The following FNIP1 variants were observed in gnomAD, a reference collection of about 807,000 sequenced individuals.
FNIP1 encodes folliculin-interacting protein 1.
FNIP1 carries 40 observed loss-of-function variants against 124.5 expected under a neutral mutation model. The observed-to-expected ratio is 0.32, with a 90% CI of 0.25 to 0.42. The LOEUF (loss-of-function observed/expected upper bound fraction) is 0.42, where lower values mean the gene tolerates loss of function less well. Ranked by LOEUF, FNIP1 falls within the 10% of genes least tolerant of loss-of-function variation. FNIP1 has a pLI of 1.00. For missense variants in FNIP1, 1,176 were observed against 1,403.7 expected, an observed-to-expected ratio of 0.84 and a Z score of 2.59; for synonymous variants, 472 against 470.6, an observed-to-expected ratio of 1.00 and a Z score of -0.04.
At chr5:131,770,842 C>T (rs569914264) in intron 1 of FNIP1, among the ~76,000 whole-genome samples, 9 of 152,254 alleles carry the variant, frequency 5.9e-5, no homozygotes, top group African/African-American at 2.2e-4. Context: ...TGTATGTATA[C>T]CATCAGTGTA....
rs566547865 is a variant in FNIP1, at chr5:131,755,518, C to A, written c.93-10828G>T. On this transcript the variant is annotated intron_variant, in intron 1 of 17. Transcript: ENST00000510461. ...TCCAGACACAGGAGTTACTGACACA[C>A]AATTGGTAGTGAAATCTTCAGGCAG... Among the ~76,000 whole-genome samples the A allele has an allele frequency of 2.6e-5, 4 of 151,376 alleles. No individual in the cohort carries two copies. The East Asian group carries it at 7.7e-4, about 29-fold the overall frequency.
At chr5:131,735,485 G>GTA (rs1026288778) in intron 2 of FNIP1, among the ~76,000 whole-genome samples, 1 of 67,736 alleles carries the variant, frequency 1.5e-5, no homozygotes, top group African/African-American at 5.5e-5. Flanking sequence ...ACGTATATAT[G>GTA]TATATATACG....
chr5:131,748,323 A>G (rs1770752224), intron 1 of FNIP1, among the ~76,000 whole-genome samples: 1 of 152,182 alleles, frequency 6.6e-6, no homozygotes, highest in Non-Finnish European at 1.5e-5. Flanking sequence ...ATGCTCATGT[A>G]AACAAACCTA....
At chr5:131,750,594 G>A (rs1006129755) in intron 1 of FNIP1, among the ~76,000 whole-genome samples, 2 of 151,642 alleles carry the variant, frequency 1.3e-5, no homozygotes, top group African/African-American at 2.4e-5. Flanking sequence ...GGGTTGAGGG[G>A]AGGTATATTC....
chr5:131,745,692 C>T (rs1042069092), intron 1 of FNIP1, among the ~76,000 whole-genome samples: 12 of 151,894 alleles, frequency 7.9e-5, no homozygotes, highest in African/African-American at 2.7e-4. Context: ...AATTCCACTT[C>T]GGAAAAATTT....
Position 131,670,625 on chromosome 5 carries a change from C to T in FNIP1, c.2946G>A (p.Lys982=). The T allele has an allele frequency of 6.3e-7, 1 of 1,586,718 alleles. No individual in the cohort carries two copies. The change falls in exon 15 of 18, where the codon AAG becomes AAA. Residue 982 remains lysine (K), a synonymous_variant. Transcript: ENST00000510461. Reference sequence around the variant, plus strand: ...GCTGAACAGCACTCACTTCGATTAACTTTGACCTGGAAGAAAAATGCCCCC... The same window carrying T: ...GCTGAACAGCACTCACTTCGATTAATTTTGACCTGGAAGAAAAATGCCCCC... The part of the protein sequence containing the change: ...EEDEIPFPGS[K]LIEVSAVQPN...
chr5:131,767,752 T>C (rs1771488649), intron 1 of FNIP1, among the ~76,000 whole-genome samples: 2 of 152,216 alleles, frequency 1.3e-5, no homozygotes, highest in Admixed American at 1.3e-4. Context: ...ATTATAATTC[T>C]CTAATCTGAC....
At position 131,645,763 on chromosome 5, in the gene FNIP1, C is replaced by A. The variant is rs116357945; in HGVS notation, c.3423-1000G>T. Among the ~76,000 whole-genome samples the A allele has an allele frequency of 3.6e-3, 552 of 152,232 alleles. 3 individuals are homozygous for A. The highest frequency in any genetic ancestry group is 0.013 in the African/African-American group (520 of 41,528). The stretch of plus-strand genomic sequence containing the variant: ...ATAGTAGCAAAAAACTAAAAATAAT[C>A]TAAATTCCAACATATAAGGGAATGC... On this transcript the variant is annotated intron_variant, in intron 17 of 17. Transcript: ENST00000510461.
chr5:131,745,452 CG>C (rs1770645304), intron 1 of FNIP1, among the ~76,000 whole-genome samples: 1 of 151,898 alleles, frequency 6.6e-6, no homozygotes, highest in Admixed American at 6.6e-5. Context: ...CCTGGAAGGT[CG>C]GGGCTATAGC....
At chr5:131,667,577 G>T (rs74439051) in intron 15 of FNIP1, among the ~76,000 whole-genome samples, 1 of 24,528 alleles carries the variant, frequency 4.1e-5, no homozygotes, top group Non-Finnish European at 2.5e-4. Context: ...CTGTTTTTTT[G>T]TTTGTTTGTT....
At chr5:131,717,164 T>C (rs1482948197) in intron 5 of FNIP1, among the ~76,000 whole-genome samples, 1 of 134,116 alleles carries the variant, frequency 7.5e-6, no homozygotes, top group Non-Finnish European at 1.6e-5. Context: ...CAGGCCCCAG[T>C]GTGTGATGTC....
intron 1 of FNIP1, among the ~76,000 whole-genome samples, chr5:131,773,431 C>G (rs1394420321): frequency 6.6e-6 from 1 of 152,140 alleles, no homozygotes; most frequent in Non-Finnish European, 1.5e-5. Flanking sequence ...GTGTGCCTGT[C>G]AACTTGGATG....
chr5:131,715,411 G>A (rs2149539923), intron 6 of FNIP1, among the ~76,000 whole-genome samples: 1 of 152,188 alleles, frequency 6.6e-6, no homozygotes, highest in Admixed American at 6.5e-5. Context: ...GCTTGAACCC[G>A]GGAGGCAGAG....
At chr5:131,722,973 C>T (rs943090828) in intron 3 of FNIP1, among the ~76,000 whole-genome samples, 2 of 152,176 alleles carry the variant, frequency 1.3e-5, no homozygotes, top group South Asian at 4.1e-4. Flanking sequence ...TGTGAGCCAA[C>T]TCGCCCAGCC....
At chr5:131,732,415 C>A (rs1770126383) in intron 2 of FNIP1, among the ~76,000 whole-genome samples, 1 of 152,176 alleles carries the variant, frequency 6.6e-6, no homozygotes, top group South Asian at 2.1e-4. Flanking sequence ...ATGCCTATGT[C>A]CTGAATGGTA....
At chr5:131,691,842 A>G (rs1403516273) in intron 11 of FNIP1, among the ~76,000 whole-genome samples, 1 of 152,232 alleles carries the variant, frequency 6.6e-6, no homozygotes, top group Non-Finnish European at 1.5e-5. Context: ...CCTGGCAAAC[A>G]AAGAATAAAG....
chr5:131,676,335 G>A (rs971536423), intron 13 of FNIP1, among the ~76,000 whole-genome samples: 4 of 152,022 alleles, frequency 2.6e-5, no homozygotes, highest in African/African-American at 4.8e-5. Context: ...TTTCAGTAGA[G>A]GCAGGGTTTC....
At chr5:131,688,584 TTATATAA>T (rs1220344077) in intron 11 of FNIP1, among the ~76,000 whole-genome samples, 2 of 151,268 alleles carry the variant, frequency 1.3e-5, no homozygotes, top group Non-Finnish European at 3.0e-5. Context: ...TATGTTTATT[TTATATAA>T]TATATATGAT....
chr5:131,657,894 A>C (rs1364386134), intron 15 of FNIP1, among the ~76,000 whole-genome samples: 1 of 152,032 alleles, frequency 6.6e-6, no homozygotes, highest in Non-Finnish European at 1.5e-5. Flanking sequence ...CAAAAAAATT[A>C]GCCGGGTGTG....
Sources: gnomAD v4.1 joint callset for allele counts (sites outside exome capture counted in the v4.1 genomes callset) on GRCh38, gnomAD v4.1.1 for gene constraint, MANE v1.5 for transcripts, NCBI Gene and HGNC (gene_info 2026-07-23, HGNC 2026-07-21) for gene names.